Variants in DDO observed in about 807,000 individuals in gnomAD.
DDO encodes D-aspartate oxidase, also known as D-aspartate oxidase, DDO.
A neutral mutation model predicts 16.8 loss-of-function variants in DDO; 16 were observed. The observed-to-expected ratio is 0.95, with a 90% CI of 0.65 to 1.45. DDO has a LOEUF of 1.45. Ranked by LOEUF, DDO falls within the 40% of genes most tolerant of loss-of-function variation. DDO has a pLI of 0.00. For missense variants in DDO, 429 were observed against 420.3 expected, an observed-to-expected ratio of 1.02 and a Z score of -0.18; for synonymous variants, 180 against 167.2, an observed-to-expected ratio of 1.08 and a Z score of -0.59.
intron 2 of DDO, among the ~76,000 whole-genome samples, chr6:110,409,485 G>A (rs1163108566): frequency 2.0e-5 from 3 of 152,186 alleles, no homozygotes; most frequent in Non-Finnish European, 4.4e-5. Flanking sequence ...GAAATTCAAG[G>A]AACAGATAGA....
intron 4 of DDO, among the ~76,000 whole-genome samples, chr6:110,400,609 AT>A (rs889636279): frequency 2.4e-4 from 37 of 152,306 alleles, no homozygotes; most frequent in Admixed American, 1.4e-3. Context: ...CTTATCAACA[AT>A]TTGGCCCTTA....
intron 4 of DDO, among the ~76,000 whole-genome samples, chr6:110,399,806 T>TCCCG (rs1773415216): frequency 1.3e-5 from 2 of 152,090 alleles, no homozygotes; most frequent in African/African-American, 4.8e-5. Flanking sequence ...TCTGAAGTCT[T>TCCCG]CCCGCCGCAG....
At chr6:110,402,590 G>A (rs371168878) in intron 4 of DDO, among the ~76,000 whole-genome samples, 3 of 152,244 alleles carry the variant, frequency 2.0e-5, no homozygotes, top group African/African-American at 7.2e-5. Context: ...ACTTGAACCC[G>A]GGAGGTTGCA....
chr6:110,401,025 G>T (rs1562261364), intron 4 of DDO, among the ~76,000 whole-genome samples: 1 of 152,214 alleles, frequency 6.6e-6, no homozygotes, highest in Non-Finnish European at 1.5e-5. Context: ...CCTCCCGGGG[G>T]CAGACTGTGC....
chr6:110,396,907 T>C (rs559918606), intron 4 of DDO, among the ~76,000 whole-genome samples: 47 of 152,322 alleles, frequency 3.1e-4, no homozygotes, highest in African/African-American at 1.1e-3. Context: ...CCCCTTAACA[T>C]TGGCATAGAA....
intron 2 of DDO, among the ~76,000 whole-genome samples, chr6:110,410,962 C>G (rs1773835943): frequency 6.6e-6 from 1 of 152,146 alleles, no homozygotes; most frequent in African/African-American, 2.4e-5. Context: ...TCTTAGGGGT[C>G]TTTGGACTGG....
At chr6:110,400,016 T>TCCGCC in intron 4 of DDO, among the ~76,000 whole-genome samples, 1 of 152,270 alleles carries the variant, frequency 6.6e-6, no homozygotes, top group East Asian at 1.9e-4. Context: ...TCCGCCGGTC[T>TCCGCC]CCGGCCGATG....
chr6:110,412,455 G>A (rs926112068), intron 2 of DDO, among the ~76,000 whole-genome samples: 14 of 152,292 alleles, frequency 9.2e-5, no homozygotes, highest in South Asian at 4.1e-4. Context: ...GTAGTTGTCA[G>A]TACTGTTCAT....
downstream of DDO, among the ~76,000 whole-genome samples, chr6:110,388,481 A>C (rs1009975300): frequency 6.6e-6 from 1 of 152,200 alleles, no homozygotes; most frequent in African/African-American, 2.4e-5. Context: ...TTCAAATATC[A>C]GTTGATTTGA....
Position 110,408,347 on chromosome 6 carries a change from G to A in DDO, c.268C>T (p.His90Tyr), listed in dbSNP as rs1308631290. The A allele has an allele frequency of 6.2e-7, 1 of 1,613,854 alleles. No homozygotes were observed. The highest frequency in any genetic ancestry group is 8.5e-7 in the Non-Finnish European group (1 of 1,179,954). The change falls in exon 3 of 5, where the codon CAT (histidine) becomes TAT (tyrosine). Residue 90 changes from histidine to tyrosine, a missense_variant. Physicochemically the swap from His to Tyr is moderately conservative, Grantham distance 83. Transcript: ENST00000368924. ...TTCTTCACTTACCCTGATACCAAAT[G>A]AACACCAGCATCTCCAGCTTCTGCA... ...NSAEAGDAGV[H>Y]LVSGWQIFQS...
At chr6:110,397,654 C>G (rs1175888159) in intron 4 of DDO, among the ~76,000 whole-genome samples, 1 of 152,140 alleles carries the variant, frequency 6.6e-6, no homozygotes, top group East Asian at 1.9e-4. Flanking sequence ...TTTTCCATTT[C>G]AAGGGTTCCC....
downstream of DDO, among the ~76,000 whole-genome samples, chr6:110,389,264 G>A (rs766688344): frequency 2.6e-5 from 4 of 152,142 alleles, no homozygotes; most frequent in East Asian, 1.9e-4. Flanking sequence ...TCTGGGTTTC[G>A]GGCATTCAGG....
intron 4 of DDO, among the ~76,000 whole-genome samples, chr6:110,401,888 A>T (rs1773497257): frequency 6.6e-6 from 1 of 152,262 alleles, no homozygotes; most frequent in Non-Finnish European, 1.5e-5. Context: ...CACAGTAGAG[A>T]TAACTGGCAT....
intron 4 of DDO, among the ~76,000 whole-genome samples, chr6:110,400,452 T>G (rs1427229248): frequency 6.6e-6 from 1 of 151,974 alleles, no homozygotes; most frequent in Non-Finnish European, 1.5e-5. Flanking sequence ...GGGAGACTTA[T>G]GAGGACTCCT....
At chr6:110,415,304 C>G (rs1222542039) in intron 1 of DDO, among the ~76,000 whole-genome samples, 163 bp downstream of exon 1, 1 of 152,160 alleles carries the variant, frequency 6.6e-6, no homozygotes, top group Non-Finnish European at 1.5e-5. Flanking sequence ...CAATCTGTGG[C>G]TAAGAATAAC....
intron 3 of DDO, 117 bp from the exon 4 acceptor site, chr6:110,405,067 C>CAAA: frequency 5.7e-6 from 6 of 1,049,548 alleles, no homozygotes; most frequent in Non-Finnish European, 6.8e-6. Context: ...GACAGAGTCT[C>CAAA]ACTCCATCAC....
intron 2 of DDO, 109 bp downstream of exon 2, chr6:110,413,181 CT>C: frequency 8.0e-7 from 1 of 1,245,916 alleles, no homozygotes; most frequent in South Asian, 1.6e-5. Context: ...AGAAAAAAAC[CT>C]GCATATTACA....
chr6:110,403,859 T>A (rs914431810), intron 4 of DDO, among the ~76,000 whole-genome samples: 1 of 152,236 alleles, frequency 6.6e-6, no homozygotes, highest in Non-Finnish European at 1.5e-5. Context: ...TCCTTCTTTT[T>A]TACCAGCTTC....
rs1773161532 is a variant in DDO, at chr6:110,393,043, T to C, written c.758A>G (p.Glu253Gly). ...CAGAGCACAGCATCGGGAAAGAATC[T>C]CTCTGCTATTTTCTGCATCCGGGGA... ...NLSPDAENSR[E>G]ILSRCCALEP... is the part of the protein sequence containing the mutation. The change falls in exon 5 of 5, where the codon GAG (glutamate) becomes GGG (glycine). Residue 253 changes from glutamate to glycine, a missense_variant. By Grantham distance (98) the Glu-to-Gly change is moderately conservative (BLOSUM62 -2). Coordinates refer to ENST00000368924, the MANE Select transcript of DDO (RefSeq NM_001372108.2). The C allele has an allele frequency of 6.2e-7, 1 of 1,612,030 alleles. No individual in the cohort carries two copies. The highest frequency in any genetic ancestry group is 1.3e-5 in the African/African-American group (1 of 74,918).
Sources: gnomAD v4.1 joint callset for allele counts (sites outside exome capture counted in the v4.1 genomes callset) on GRCh38, gnomAD v4.1.1 for gene constraint, MANE v1.5 for transcripts, NCBI Gene and HGNC (gene_info 2026-07-23, HGNC 2026-07-21) for gene names.